The following AGAP1 variants were observed in gnomAD, a reference collection of about 807,000 sequenced individuals.
AGAP1 encodes the protein ArfGAP with GTPase domain, ankyrin repeat and PH domain 1, also known as arf-GAP with GTPase, ANK repeat and PH domain-containing protein 1.
AGAP1 carries 29 observed loss-of-function variants against 105.3 expected under a neutral mutation model. The observed-to-expected ratio is 0.28, with a 90% CI of 0.21 to 0.38. The LOEUF (loss-of-function observed/expected upper bound fraction) is 0.38, where lower values mean the gene tolerates loss of function less well. AGAP1 is among the 10% of genes least tolerant of loss of function. The pLI is 1.00. For missense variants in AGAP1, 998 were observed against 1,165.1 expected (o/e 0.86, Z 2.09); for synonymous variants, 509 against 485.9 (o/e 1.05, Z -0.63).
chr2:235,554,491 C>G (rs1158887421), intron 1 of AGAP1, among the ~76,000 whole-genome samples: 2 of 152,204 alleles, frequency 1.3e-5, no homozygotes, highest in African/African-American at 4.8e-5. Flanking sequence ...GAAGCCCCTG[C>G]TGCATGTGGG....
Position 235,698,406 on chromosome 2 carries a change from G to A in AGAP1, c.164-10773G>A, listed in dbSNP as rs967852444. ...TACATCTCCACCCAAACTGCAGTAA[G>A]ACAAATAGCTGTCTACTCTTACATC... On this transcript the variant is annotated intron_variant, in intron 1 of 17. Transcript: ENST00000304032. Among the ~76,000 whole-genome samples the A allele has an allele frequency of 7.2e-5, 11 of 152,072 alleles. No individual in the cohort carries two copies. The East Asian group carries it at 1.9e-3, about 27-fold the overall frequency.
intron 13 of AGAP1, among the ~76,000 whole-genome samples, chr2:236,030,674 A>C (rs1257479503): frequency 6.6e-6 from 1 of 152,180 alleles, no homozygotes; most frequent in Non-Finnish European, 1.5e-5. Flanking sequence ...TCCTCTTGAG[A>C]TCATGCCTCA....
chr2:236,038,356 G>A lies in AGAP1; in HGVS notation c.1800+1641G>A, dbSNP rs1003697252. Among the ~76,000 whole-genome samples, 1 of 152,156 alleles carries A rather than the reference G, an allele frequency of 6.6e-6. No individual in the cohort carries two copies. The highest frequency in any genetic ancestry group is 6.6e-5 in the Admixed American group (1 of 15,260). ...TCATGGAGAAATCACAGTCTTTCACGGCAGACTCTGAGCCCCTGCCACCTC... is the reference window on the plus strand; with the variant it reads ...TCATGGAGAAATCACAGTCTTTCACAGCAGACTCTGAGCCCCTGCCACCTC... On this transcript the variant is annotated intron_variant, in intron 14 of 17. Coordinates refer to ENST00000304032, the MANE Select transcript of AGAP1 (RefSeq NM_001037131.3). This position sits in a 1 kb window ranked among gnomAD's most constrained non-coding sequence, Gnocchi z 4.5.
rs1040030137 is a variant in AGAP1, at chr2:236,000,309, G to A, written c.1645+31686G>A. ...CTTATCAGCATCATAATGAAACAACGTGGGAGGAAACAAAGTTATTTGAGG... is the reference window on the plus strand; with the variant it reads ...CTTATCAGCATCATAATGAAACAACATGGGAGGAAACAAAGTTATTTGAGG... On this transcript the variant is annotated intron_variant, in intron 13 of 17. Transcript: ENST00000304032. This position sits in a 1 kb window ranked among gnomAD's most constrained non-coding sequence, Gnocchi z 4.3. Among the ~76,000 whole-genome samples, 2 of 152,166 alleles carry A rather than the reference G, an allele frequency of 1.3e-5. No homozygotes were observed. The highest frequency in any genetic ancestry group is 3.2e-3 in the Middle Eastern group (1 of 316).
rs1946022297 is a variant in AGAP1, at chr2:235,608,506, G to A, written c.164-100673G>A. Among the ~76,000 whole-genome samples, 1 of 152,126 alleles carries A rather than the reference G, an allele frequency of 6.6e-6. No homozygotes were observed. Among genetic ancestry groups the A allele is most frequent in the Non-Finnish European group, 1.5e-5 (1 of 68,028 alleles). ...TGGGTCCCATGTTGGCAGCCTCCCT[G>A]GCCCAGCGTTGGGCTGGGACCCTCT... On this transcript the variant is annotated intron_variant, in intron 1 of 17. Coordinates refer to ENST00000304032, the MANE Select transcript of AGAP1 (RefSeq NM_001037131.3). The surrounding 1 kb of genome is among the most constrained non-coding windows in gnomAD (Gnocchi z 5.4).
At chr2:235,613,164 T>C (rs1388794262) in intron 1 of AGAP1, among the ~76,000 whole-genome samples, 1 of 152,028 alleles carries the variant, frequency 6.6e-6, no homozygotes, top group Non-Finnish European at 1.5e-5. Flanking sequence ...CCCAGCTAAT[T>C]TTTGTATTTT....
chr2:236,037,931 A>C (rs2057431470), intron 14 of AGAP1, among the ~76,000 whole-genome samples: 1 of 152,252 alleles, frequency 6.6e-6, no homozygotes. Context: ...ATTTGTAACC[A>C]TTTAAAGAAA....
intron 6 of AGAP1, among the ~76,000 whole-genome samples, chr2:235,766,427 C>T (rs1008459881): frequency 2.0e-5 from 3 of 152,118 alleles, no homozygotes; most frequent in East Asian, 1.9e-4. Context: ...GGATTATTCT[C>T]CTGCGCAAAT....
chr2:235,611,627 C>A lies in AGAP1; in HGVS notation c.164-97552C>A, dbSNP rs1052004443. Among the ~76,000 whole-genome samples, 1 of 152,086 alleles carries A rather than the reference C, an allele frequency of 6.6e-6. No homozygotes were observed. Among genetic ancestry groups the A allele is most frequent in the East Asian group, 1.9e-4 (1 of 5,186 alleles). ...ACATGTGTTCTCTGAACAGGGAGCC[C>A]AGGGAGGCTTGGATCTTTAGATTGA... is the stretch of plus-strand genomic sequence containing the variant. On this transcript the variant is annotated intron_variant, in intron 1 of 17. Transcript: ENST00000304032. This position sits in a 1 kb window ranked among gnomAD's most constrained non-coding sequence, Gnocchi z 5.0.
At chr2:235,652,873 G>T (rs2149326302) in intron 1 of AGAP1, among the ~76,000 whole-genome samples, 1 of 152,222 alleles carries the variant, frequency 6.6e-6, no homozygotes, top group East Asian at 1.9e-4. Context: ...GGAGGCTGAG[G>T]CAGGAGAATC....
In AGAP1 at chr2:236,005,328, A is replaced by G. The variant is rs1354465795; in HGVS notation, c.1646-31233A>G. ...CTAATTTTTTTTATTTTTGGTAGAAACGTTGTTTCACCATGTTGCCCAGGC... is the reference window on the plus strand; with the variant it reads ...CTAATTTTTTTTATTTTTGGTAGAAGCGTTGTTTCACCATGTTGCCCAGGC... On this transcript the variant is annotated intron_variant, in intron 13 of 17. Coordinates refer to ENST00000304032, the MANE Select transcript of AGAP1 (RefSeq NM_001037131.3). This position sits in a 1 kb window ranked among gnomAD's most constrained non-coding sequence, Gnocchi z 4.1. 6.6e-6 allele frequency among the ~76,000 whole-genome samples: 1 copy of G among 151,908 alleles called. No homozygotes were observed. The highest frequency in any genetic ancestry group is 2.4e-5 in the African/African-American group (1 of 41,314).
chr2:236,102,998 G>T (rs1350801943), intron 16 of AGAP1, among the ~76,000 whole-genome samples: 1 of 149,630 alleles, frequency 6.7e-6, no homozygotes, highest in Non-Finnish European at 1.5e-5. Flanking sequence ...CCCCTCCGGG[G>T]TTTCTGCCCA....
chr2:236,115,309 C>T (rs2059745093), intron 16 of AGAP1, among the ~76,000 whole-genome samples: 1 of 152,198 alleles, frequency 6.6e-6, no homozygotes, highest in Non-Finnish European at 1.5e-5. Context: ...ACAGCCCTGC[C>T]TTGTGTAGAT....
chr2:235,841,400 G>T (rs570135207), intron 9 of AGAP1, among the ~76,000 whole-genome samples: 1 of 152,164 alleles, frequency 6.6e-6, no homozygotes, highest in Non-Finnish European at 1.5e-5. Flanking sequence ...AGGCCAAGGC[G>T]AGTGGATCCC....
Position 235,615,922 on chromosome 2 carries a change from A to G in AGAP1, c.164-93257A>G, listed in dbSNP as rs1169921608. ...TATTACATATAGAGCATTGTCTTCTATATGTAAAGAGTTCTTATAAAACAA... is the reference window on the plus strand; with the variant it reads ...TATTACATATAGAGCATTGTCTTCTGTATGTAAAGAGTTCTTATAAAACAA... On this transcript the variant is annotated intron_variant, in intron 1 of 17. Coordinates refer to ENST00000304032, the MANE Select transcript of AGAP1 (RefSeq NM_001037131.3). This position sits in a 1 kb window ranked among gnomAD's most constrained non-coding sequence, Gnocchi z 5.0. Among the ~76,000 whole-genome samples, 2 of 152,232 alleles carry G rather than the reference A, an allele frequency of 1.3e-5. No individual in the cohort carries two copies. Among genetic ancestry groups the G allele is most frequent in the East Asian group, 3.8e-4 (2 of 5,204 alleles).
At position 235,844,617 on chromosome 2, in the gene AGAP1, C is replaced by T. The variant is rs575223521; in HGVS notation, c.1050+37286C>T. Among the ~76,000 whole-genome samples the T allele has an allele frequency of 2.2e-3, 330 of 152,260 alleles. 2 individuals are homozygous for T. The highest frequency in any genetic ancestry group is 7.6e-3 in the African/African-American group (314 of 41,542). On this transcript the variant is annotated intron_variant, in intron 9 of 17. Transcript: ENST00000304032. ...ACGAAGCTCCTGCAGCTTGGCACGG[C>T]ATTTAAGGCTCCCCCTGACCGATGT...
intron 1 of AGAP1, among the ~76,000 whole-genome samples, chr2:235,573,262 C>G (rs957893274): frequency 6.6e-6 from 1 of 151,756 alleles, no homozygotes; most frequent in Non-Finnish European, 1.5e-5. Flanking sequence ...TTTTTTACTT[C>G]TTTGTAGAGA....
At chr2:236,029,461 A>G (rs1419832704) in intron 13 of AGAP1, among the ~76,000 whole-genome samples, 2 of 135,674 alleles carry the variant, frequency 1.5e-5, no homozygotes, top group Admixed American at 1.5e-4. Flanking sequence ...TTTTTTCGGT[A>G]TTTTAGTAGA....
chr2:235,878,168 G>T (rs1215552428), intron 9 of AGAP1, among the ~76,000 whole-genome samples: 1 of 152,210 alleles, frequency 6.6e-6, no homozygotes, highest in Non-Finnish European at 1.5e-5. Flanking sequence ...CCATAGGAGG[G>T]CAGGGGGACT....
Sources: allele counts gnomAD v4.1 joint callset (sites outside exome capture counted in the v4.1 genomes callset), GRCh38; gene constraint gnomAD v4.1.1; non-coding constraint Gnocchi (gnomAD v3.1); transcripts MANE v1.5; gene names NCBI Gene and HGNC (gene_info 2026-07-23, HGNC 2026-07-21).